Variants in ASTN2 observed in about 807,000 individuals in gnomAD.
The protein encoded by ASTN2 is astrotactin-2.
Under a neutral mutation model 139.8 loss-of-function variants are expected in ASTN2, and 54 were observed. That is an observed-to-expected ratio of 0.39 (90% CI 0.31 to 0.48). ASTN2 has a LOEUF of 0.48. ASTN2 is among the 20% of genes least tolerant of loss of function. ASTN2 has a pLI of 0.95. For missense variants in ASTN2, 1,565 were observed against 1,725.1 expected, an observed-to-expected ratio of 0.91 and a Z score of 1.64; for synonymous variants, 756 against 719.5, an observed-to-expected ratio of 1.05 and a Z score of -0.81.
At chr9:117,103,604 G>A (rs868484933) in intron 4 of ASTN2, among the ~76,000 whole-genome samples, 7 of 152,116 alleles carry the variant, frequency 4.6e-5, no homozygotes, top group Admixed American at 3.9e-4. Flanking sequence ...TGCCAGCCTC[G>A]ACAGGCCCAG....
At chr9:116,552,311 C>A (rs561210178) in intron 19 of ASTN2, 1 of 152,228 alleles carries the variant, frequency 6.6e-6, no homozygotes, top group African/African-American at 2.4e-5. Context: ...TATTTATTTT[C>A]TTTGAGAAAA....
At chr9:116,501,255 G>A (rs923886440) in intron 19 of ASTN2, among the ~76,000 whole-genome samples, 21 of 152,274 alleles carry the variant, frequency 1.4e-4, no homozygotes, top group Non-Finnish European at 2.9e-4. Context: ...TGAGAATGAT[G>A]ATTTCCAATT....
At chr9:116,587,054 C>T (rs1185116882) in intron 19 of ASTN2, among the ~76,000 whole-genome samples, 1 of 152,010 alleles carries the variant, frequency 6.6e-6, no homozygotes, top group Non-Finnish European at 1.5e-5. Context: ...TAAAAAGCAA[C>T]ACTGGGCCAA....
At chr9:116,902,107 G>C (rs1271507157) in intron 10 of ASTN2, among the ~76,000 whole-genome samples, 1 of 152,070 alleles carries the variant, frequency 6.6e-6, no homozygotes, top group Non-Finnish European at 1.5e-5. Context: ...AAAGCCTCAG[G>C]CATGTCCTTC....
At chr9:117,302,243 A>G (rs1309401621) in intron 1 of ASTN2, among the ~76,000 whole-genome samples, 2 of 152,146 alleles carry the variant, frequency 1.3e-5, no homozygotes, top group Non-Finnish European at 2.9e-5. Context: ...CCCTACAGCA[A>G]CGATCTGGAA....
chr9:117,067,687 C>G (rs1023457962), intron 5 of ASTN2, among the ~76,000 whole-genome samples: 1 of 128,742 alleles, frequency 7.8e-6, no homozygotes, highest in Non-Finnish European at 1.7e-5. Flanking sequence ...TTTCCTTGAG[C>G]AGTGGTTTGT....
intron 19 of ASTN2, among the ~76,000 whole-genome samples, chr9:116,529,321 T>C (rs1193780413): frequency 6.6e-6 from 1 of 152,166 alleles, no homozygotes; most frequent in Admixed American, 6.5e-5. Context: ...ATGACTGTCC[T>C]GTTGGGTTTC....
intron 2 of ASTN2, among the ~76,000 whole-genome samples, chr9:117,260,738 A>G (rs1330581662): frequency 6.6e-6 from 1 of 152,074 alleles, no homozygotes; most frequent in African/African-American, 2.4e-5. Context: ...GGAGCCATCT[A>G]TTTCTCTCTG....
At chr9:117,197,091 T>A (rs2132981244) in intron 3 of ASTN2, 1 of 152,338 alleles carries the variant, frequency 6.6e-6, no homozygotes, top group Non-Finnish European at 1.5e-5. Context: ...TGACCCATCG[T>A]AAGTGCAGAA....
In ASTN2 at chr9:117,364,697, C is replaced by T. The variant is rs565986231; in HGVS notation, c.442+49800G>A. Among the ~76,000 whole-genome samples, 5 of 152,186 alleles carry T rather than the reference C, an allele frequency of 3.3e-5. No individual in the cohort carries two copies. In the South Asian group the frequency reaches 1.0e-3, roughly 32 times the overall value. ...AGTTTATAACCCTGAGAAAAGCATC[C>T]TATGCTTATAGAAGCATCTGGGCTT... On this transcript the variant is annotated intron_variant, in intron 1 of 22. Transcript: ENST00000313400.
At chr9:116,842,732 G>A (rs568299890) in intron 11 of ASTN2, among the ~76,000 whole-genome samples, 56 of 146,678 alleles carry the variant, frequency 3.8e-4, no homozygotes, top group Non-Finnish European at 7.4e-4. Flanking sequence ...GGGAAGCGGC[G>A]AGGGTGGGGT....
At chr9:116,668,977 A>G (rs12003667) in intron 16 of ASTN2, among the ~76,000 whole-genome samples, 1,739 of 152,126 alleles carry the variant, frequency 0.011, 43 homozygotes, top group African/African-American at 0.039. Flanking sequence ...GCAGCTTTCC[A>G]TAATATGTAC....
At chr9:116,718,966 G>GTATATATATATATA (rs1219672903) in intron 16 of ASTN2, among the ~76,000 whole-genome samples, 2 of 31,818 alleles carry the variant, frequency 6.3e-5, no homozygotes, top group African/African-American at 2.5e-4. Context: ...ATCTATACCT[G>GTATATATATATATA]TATCTGTACA....
At chr9:116,519,382 A>G (rs1254949281) in intron 19 of ASTN2, among the ~76,000 whole-genome samples, 1 of 152,146 alleles carries the variant, frequency 6.6e-6, no homozygotes, top group Non-Finnish European at 1.5e-5. Flanking sequence ...ATACATGGAA[A>G]TTAAATAGCC....
At chr9:116,489,824 G>A (rs1012209704) in intron 19 of ASTN2, among the ~76,000 whole-genome samples, 4 of 152,086 alleles carry the variant, frequency 2.6e-5, no homozygotes, top group Non-Finnish European at 5.9e-5. Context: ...TATTTTTCAC[G>A]AAGACAATAC....
intron 1 of ASTN2, among the ~76,000 whole-genome samples, chr9:117,322,439 G>T (rs577143815): frequency 6.6e-6 from 1 of 152,228 alleles, no homozygotes; most frequent in South Asian, 2.1e-4. Context: ...TGCATCATAG[G>T]CTACTACTAT....
chr9:117,271,289 T>G (rs1834057357), intron 2 of ASTN2, among the ~76,000 whole-genome samples: 1 of 152,198 alleles, frequency 6.6e-6, no homozygotes, highest in South Asian at 2.1e-4. Context: ...CCAGATCTCA[T>G]GAGACTTATT....
At chr9:117,205,744 T>C (rs1253043069) in intron 3 of ASTN2, among the ~76,000 whole-genome samples, 3 of 152,114 alleles carry the variant, frequency 2.0e-5, no homozygotes, top group East Asian at 1.9e-4. Flanking sequence ...CTCTCAAAAG[T>C]AGCGGTCGGT....
At chr9:116,850,756 C>G (rs2132321463) in intron 11 of ASTN2, among the ~76,000 whole-genome samples, 1 of 152,238 alleles carries the variant, frequency 6.6e-6, no homozygotes, top group Non-Finnish European at 1.5e-5. Context: ...AGGAAAAAAC[C>G]TGCAAGGGTT....
Sources: gnomAD v4.1 joint callset for allele counts (sites outside exome capture counted in the v4.1 genomes callset) on GRCh38, gnomAD v4.1.1 for gene constraint, MANE v1.5 for transcripts, NCBI Gene and HGNC (gene_info 2026-07-23, HGNC 2026-07-21) for gene names.